Variants in FRMD4A observed in about 807,000 individuals in gnomAD.
FRMD4A encodes the protein FERM domain-containing protein 4A.
A neutral mutation model predicts 129.1 loss-of-function variants in FRMD4A; 29 were observed. That is an observed-to-expected ratio of 0.22 (90% CI 0.17 to 0.31). The LOEUF (loss-of-function observed/expected upper bound fraction) is 0.31, where lower values mean the gene tolerates loss of function less well. FRMD4A is among the 10% of genes least tolerant of loss of function. FRMD4A has a pLI of 1.00. For synonymous variants in FRMD4A, 634 were observed against 571.6 expected (o/e 1.11, Z -1.56); for missense variants, 1,272 against 1,375.8 (o/e 0.92, Z 1.19).
intron 2 of FRMD4A, among the ~76,000 whole-genome samples, chr10:13,934,948 C>A (rs12776104): frequency 2.6e-5 from 4 of 152,132 alleles, no homozygotes. Context: ...AGGCCTCTGT[C>A]TGCTTCATAA....
At chr10:14,001,282 C>A (rs147869698) in intron 2 of FRMD4A, among the ~76,000 whole-genome samples, 12 of 152,258 alleles carry the variant, frequency 7.9e-5, no homozygotes, top group Non-Finnish European at 1.8e-4. Context: ...CAATGCAACA[C>A]CAAAGTTGAA....
In FRMD4A at chr10:13,820,494, TCA is replaced by T. The variant is rs374056594; in HGVS notation, c.112-9588_112-9587del. 7.3e-3 allele frequency among the ~76,000 whole-genome samples: 1,107 copies of T among 151,642 alleles called. 15 individuals are homozygous for T. Among genetic ancestry groups the T allele is most frequent in the African/African-American group, 0.025 (1,029 of 41,248 alleles). ...TGTTAACCTATTCCCTTGGGGCATCTCACAGATTCTAAGTCAAAAGAGTTGCC... is the reference window on the plus strand; with the variant it reads ...TGTTAACCTATTCCCTTGGGGCATCTCAGATTCTAAGTCAAAAGAGTTGCC... On this transcript the variant is annotated intron_variant, in intron 3 of 24. Transcript: ENST00000357447.
intron 24 of FRMD4A, 143 bp downstream of exon 24, chr10:13,651,760 A>C (rs2081610036): frequency 1.7e-6 from 1 of 604,896 alleles, no homozygotes; most frequent in Non-Finnish European, 2.9e-6. Context: ...CTAAAAACAT[A>C]GTTCCAGTTC....
intron 2 of FRMD4A, among the ~76,000 whole-genome samples, chr10:14,213,501 A>G (rs915844957): frequency 3.3e-5 from 5 of 152,182 alleles, no homozygotes; most frequent in African/African-American, 1.2e-4. Context: ...GCTCTGGTCC[A>G]GGTTTTAACA....
At chr10:13,751,313 A>G (rs1418620139) in intron 8 of FRMD4A, among the ~76,000 whole-genome samples, 1 of 152,208 alleles carries the variant, frequency 6.6e-6, no homozygotes, top group Non-Finnish European at 1.5e-5. Flanking sequence ...GTTACACACA[A>G]AAAAATCTAA....
chr10:14,108,934 T>C (rs1837726157), intron 2 of FRMD4A, among the ~76,000 whole-genome samples: 1 of 152,170 alleles, frequency 6.6e-6, no homozygotes, highest in Non-Finnish European at 1.5e-5. Flanking sequence ...CCTTCCCAGA[T>C]CTTTGTAGGT....
intron 2 of FRMD4A, among the ~76,000 whole-genome samples, chr10:14,199,899 T>A (rs1842584348): frequency 6.6e-6 from 1 of 150,920 alleles, no homozygotes; most frequent in South Asian, 2.1e-4. Flanking sequence ...AAATTATGTT[T>A]TTGTTGGCAA....
intron 5 of FRMD4A, among the ~76,000 whole-genome samples, chr10:13,789,588 A>ACACACG (rs2092946049): frequency 6.7e-6 from 1 of 148,542 alleles, no homozygotes; most frequent in African/African-American, 2.6e-5. Flanking sequence ...ACACACACAC[A>ACACACG]CATGACGCAG....
Position 14,144,133 on chromosome 10 carries a change from G to A in FRMD4A, c.45+185925C>T, listed in dbSNP as rs55818446. 9.6e-3 allele frequency among the ~76,000 whole-genome samples: 1,456 copies of A among 152,182 alleles called. 13 individuals are homozygous for A. Among genetic ancestry groups the A allele is most frequent in the Middle Eastern group, 0.02 (6 of 294 alleles). ...GTCTACACGCTCCTGAGGATGGGTC[G>A]GTGTCCTCCAGATTCCTCCCCACCT... is the stretch of plus-strand genomic sequence containing the variant. On this transcript the variant is annotated intron_variant, in intron 2 of 24. Transcript: ENST00000357447.
intron 2 of FRMD4A, among the ~76,000 whole-genome samples, chr10:13,862,261 G>C (rs1291665617): frequency 6.6e-6 from 1 of 152,102 alleles, no homozygotes; most frequent in Non-Finnish European, 1.5e-5. Flanking sequence ...CTCAATCACA[G>C]TCTAATAAAT....
chr10:14,035,216 C>G (rs1323747473), intron 2 of FRMD4A, among the ~76,000 whole-genome samples: 1 of 151,826 alleles, frequency 6.6e-6, no homozygotes, highest in Non-Finnish European at 1.5e-5. Context: ...AGTTTGAGAC[C>G]ACCCTGGCCA....
At chr10:14,098,442 C>T (rs1347746996) in intron 2 of FRMD4A, among the ~76,000 whole-genome samples, 4 of 151,406 alleles carry the variant, frequency 2.6e-5, no homozygotes, top group African/African-American at 9.7e-5. Flanking sequence ...CTCGCTCTGT[C>T]ACCCAGGCTG....
chr10:14,041,186 C>CA (rs1441170573), intron 2 of FRMD4A, among the ~76,000 whole-genome samples: 1 of 152,150 alleles, frequency 6.6e-6, no homozygotes, highest in Non-Finnish European at 1.5e-5. Flanking sequence ...TGAAATTGGA[C>CA]AATCAGAGCA....
rs956396722 is a variant in FRMD4A, at chr10:13,867,803, A to C, written c.46-8891T>G. Among the ~76,000 whole-genome samples the C allele has an allele frequency of 8.5e-4, 115 of 135,858 alleles. 1 individual carries two copies. The highest frequency in any genetic ancestry group is 3.6e-3 in the Middle Eastern group (1 of 276). 89.1% of individuals were successfully genotyped at this position (135,858 alleles called of 152,430 possible). A position where few individuals can be genotyped will look rare whatever the true frequency, so the allele number is the denominator to read the frequency against. ...TAATAAATATATAATATAATATATA[A>C]TAAATAATACATAATATAATATATA... On this transcript the variant is annotated intron_variant, in intron 2 of 24. Coordinates refer to ENST00000357447, the MANE Select transcript of FRMD4A (RefSeq NM_018027.5).
intron 2 of FRMD4A, among the ~76,000 whole-genome samples, chr10:13,931,910 C>T (rs1465403398): frequency 6.6e-6 from 1 of 152,104 alleles, no homozygotes; most frequent in Non-Finnish European, 1.5e-5. Context: ...GATTGTGCCA[C>T]TGCACTCCAG....
At chr10:14,159,909 G>A (rs1050744650) in intron 2 of FRMD4A, among the ~76,000 whole-genome samples, 6 of 152,090 alleles carry the variant, frequency 3.9e-5, no homozygotes, top group Non-Finnish European at 5.9e-5. Context: ...AATTAGCCAG[G>A]CGTGGTGGTG....
chr10:13,705,142 G>C (rs1380942846), intron 13 of FRMD4A, among the ~76,000 whole-genome samples: 1 of 152,168 alleles, frequency 6.6e-6, no homozygotes, highest in Non-Finnish European at 1.5e-5. Context: ...AGAAGACCCT[G>C]CCTCCGACTT....
chr10:13,955,148 C>G (rs1002461115), intron 2 of FRMD4A, among the ~76,000 whole-genome samples: 4 of 108,400 alleles, frequency 3.7e-5, no homozygotes, highest in African/African-American at 7.2e-5. Context: ...CACTCTGTCA[C>G]CCAGGCTGGA....
At chr10:13,944,640 C>T (rs918782239) in intron 2 of FRMD4A, among the ~76,000 whole-genome samples, 5 of 152,118 alleles carry the variant, frequency 3.3e-5, no homozygotes, top group African/African-American at 1.2e-4. Context: ...CATGACAGGT[C>T]TGCATAAGAT....
Sources: gnomAD v4.1 joint callset for allele counts (sites outside exome capture counted in the v4.1 genomes callset) on GRCh38, gnomAD v4.1.1 for gene constraint, MANE v1.5 for transcripts, NCBI Gene and HGNC (gene_info 2026-07-23, HGNC 2026-07-21) for gene names.